The following PXDNL variants were observed in gnomAD, a reference collection of about 807,000 sequenced individuals.
PXDNL encodes probable oxidoreductase PXDNL.
A neutral mutation model predicts 150.8 loss-of-function variants in PXDNL; 145 were observed. That is an observed-to-expected ratio of 0.96 (90% CI 0.84 to 1.10). The LOEUF (loss-of-function observed/expected upper bound fraction) is 1.10, where lower values mean the gene tolerates loss of function less well. Ranked by LOEUF, PXDNL falls within the 50% of genes least tolerant of loss-of-function variation. The probability of loss-of-function intolerance (pLI) is 0.00; values close to 1 mark genes in which losing one functional copy is unlikely to be tolerated. For synonymous variants in PXDNL, 757 were observed against 725.7 expected, an observed-to-expected ratio of 1.04 and a Z score of -0.69; for missense variants, 2,087 against 1,873.9, an observed-to-expected ratio of 1.11 and a Z score of -2.10.
chr8:51,499,222 C>T (rs550934909), intron 5 of PXDNL, among the ~76,000 whole-genome samples: 3 of 152,280 alleles, frequency 2.0e-5, no homozygotes, highest in South Asian at 2.1e-4. Flanking sequence ...CTACGCCTCC[C>T]GGACTCAAGT....
chr8:51,510,512 T>C (rs141905272), intron 4 of PXDNL, among the ~76,000 whole-genome samples: 86 of 152,266 alleles, frequency 5.6e-4, no homozygotes, highest in Middle Eastern at 6.8e-3. Context: ...CATATTTGAA[T>C]CTAAAGCACA....
At chr8:51,421,211 G>T (rs1305252363) in intron 14 of PXDNL, among the ~76,000 whole-genome samples, 1 of 152,128 alleles carries the variant, frequency 6.6e-6, no homozygotes, top group African/African-American at 2.4e-5. Context: ...CTAAAACATG[G>T]TGATATTAAT....
chr8:51,358,136 T>C (rs1035139002), intron 19 of PXDNL, among the ~76,000 whole-genome samples: 1 of 151,874 alleles, frequency 6.6e-6, no homozygotes, highest in African/African-American at 2.4e-5. Context: ...AATAGAAACC[T>C]ATTATGATAA....
At chr8:51,358,681 G>A (rs974078821) in intron 19 of PXDNL, among the ~76,000 whole-genome samples, 76 of 152,112 alleles carry the variant, frequency 5.0e-4, no homozygotes, top group Non-Finnish European at 2.2e-4. Context: ...GCAGCACGCG[G>A]ACAATGAGCT....
At chr8:51,501,681 CAT>C (rs1811183037) in intron 4 of PXDNL, among the ~76,000 whole-genome samples, 2 of 152,164 alleles carry the variant, frequency 1.3e-5, no homozygotes. Context: ...CATGTATTCA[CAT>C]ATATGCTCAC....
chr8:51,609,249 C>G (rs1813944666), intron 2 of PXDNL, among the ~76,000 whole-genome samples: 1 of 152,156 alleles, frequency 6.6e-6, no homozygotes, highest in African/African-American at 2.4e-5. Flanking sequence ...GTAATAACAA[C>G]TGATATCACA....
At chr8:51,555,054 T>C (rs908790848) in intron 4 of PXDNL, among the ~76,000 whole-genome samples, 1 of 152,188 alleles carries the variant, frequency 6.6e-6, no homozygotes, top group Non-Finnish European at 1.5e-5. Context: ...TCTGAGTCAT[T>C]TTATGCTGCT....
At chr8:51,782,206 AAATAGAGCAGT>A (rs2037422024) in intron 1 of PXDNL, among the ~76,000 whole-genome samples, 1 of 152,146 alleles carries the variant, frequency 6.6e-6, no homozygotes, top group Admixed American at 6.6e-5. Context: ...GTGTTCCAGC[AAATAGAGCAGT>A]GTTGCCTGGC....
At chr8:51,616,772 T>C (rs1814139607) in intron 2 of PXDNL, among the ~76,000 whole-genome samples, 1 of 152,226 alleles carries the variant, frequency 6.6e-6, no homozygotes, top group Admixed American at 6.5e-5. Context: ...TTTGAAACTT[T>C]GTAGGATTTT....
chr8:51,518,697 A>G (rs1000415600), intron 4 of PXDNL, among the ~76,000 whole-genome samples: 3 of 152,216 alleles, frequency 2.0e-5, no homozygotes, highest in African/African-American at 7.2e-5. Context: ...AGGTTAGATT[A>G]CACTGCACCC....
intron 2 of PXDNL, among the ~76,000 whole-genome samples, chr8:51,623,722 T>A (rs892366059): frequency 3.3e-5 from 5 of 152,170 alleles, no homozygotes; most frequent in African/African-American, 1.2e-4. Context: ...CTCACACTGT[T>A]ATTTCCATTC....
chr8:51,804,922 G>A (rs1347917676), intron 1 of PXDNL, among the ~76,000 whole-genome samples: 1 of 151,656 alleles, frequency 6.6e-6, no homozygotes, highest in Non-Finnish European at 1.5e-5. Flanking sequence ...ACCTCCTCAA[G>A]CTGTCACCTC....
intron 1 of PXDNL, among the ~76,000 whole-genome samples, chr8:51,777,528 C>T (rs916392565): frequency 2.0e-5 from 3 of 152,192 alleles, no homozygotes; most frequent in East Asian, 3.8e-4. Context: ...TCTCAAGTTT[C>T]GGTTCAGTGA....
chr8:51,771,146 T>C (rs1364802733), intron 1 of PXDNL, among the ~76,000 whole-genome samples: 1 of 152,074 alleles, frequency 6.6e-6, no homozygotes, highest in Admixed American at 6.5e-5. Flanking sequence ...ATGTCCAAAA[T>C]AAAAATATGT....
chr8:51,753,318 C>T (rs1433296408), intron 1 of PXDNL, among the ~76,000 whole-genome samples: 1 of 152,094 alleles, frequency 6.6e-6, no homozygotes, highest in Non-Finnish European at 1.5e-5. Context: ...CACATGATTT[C>T]CCAGGTAGGA....
rs76249493 is a variant in PXDNL at position 51,338,919 on chromosome 8, G to A, written c.4146+705C>T. ...AGAAGCTTCTTTGACTCTACTCCAC[G>A]AAAAATTGATAAGAAAAGTATACAT... On this transcript the variant is annotated intron_variant, in intron 21 of 22. Transcript: ENST00000356297. 2.4e-4 allele frequency among the ~76,000 whole-genome samples: 37 copies of A among 152,264 alleles called. 1 individual carries two copies. Among genetic ancestry groups the A allele is most frequent in the African/African-American group, 7.9e-4 (33 of 41,546 alleles).
chr8:51,545,389 T>C (rs1412850769), intron 4 of PXDNL, among the ~76,000 whole-genome samples: 1 of 152,214 alleles, frequency 6.6e-6, no homozygotes, highest in Non-Finnish European at 1.5e-5. Flanking sequence ...TTACACAATT[T>C]AAAATTATTT....
intron 3 of PXDNL, among the ~76,000 whole-genome samples, chr8:51,561,475 C>A (rs1812719775): frequency 6.6e-6 from 1 of 151,804 alleles, no homozygotes; most frequent in Admixed American, 6.6e-5. Context: ...AGTTCAAGAC[C>A]AGTCTGGAAA....
Position 51,672,512 on chromosome 8 carries a change from T to C in PXDNL, c.165-17752A>G, listed in dbSNP as rs1563502413. On this transcript the variant is annotated intron_variant, in intron 1 of 22. Coordinates refer to ENST00000356297, the MANE Select transcript of PXDNL (RefSeq NM_144651.5). ...AACATGGTATTAATGAAAAGAAGAA[T>C]AGTAGAGAAGGAAATGTCAAAATTA... 7.2e-5 allele frequency among the ~76,000 whole-genome samples: 11 copies of C among 152,176 alleles called. No individual in the cohort carries two copies. In the South Asian group the frequency reaches 2.3e-3, roughly 32 times the overall value.
Sources: gnomAD v4.1 joint callset for allele counts (sites outside exome capture counted in the v4.1 genomes callset) on GRCh38, gnomAD v4.1.1 for gene constraint, MANE v1.5 for transcripts, NCBI Gene and HGNC (gene_info 2026-07-23, HGNC 2026-07-21) for gene names.